The following MDN1 variants were observed in gnomAD, a reference collection of about 807,000 sequenced individuals.
MDN1 encodes midasin.
A neutral mutation model predicts 669.2 loss-of-function variants in MDN1; 266 were observed. The ratio of observed to expected loss-of-function variants is 0.40; its 90% CI spans 0.36 to 0.44. MDN1 has a LOEUF of 0.44. Among genes scored for constraint, MDN1 ranks in the 20% least tolerant of loss-of-function variants. The probability of loss-of-function intolerance (pLI) is 1.00; values close to 1 mark genes in which losing one functional copy is unlikely to be tolerated. For missense variants in MDN1, 5,940 were observed against 6,754.0 expected, an observed-to-expected ratio of 0.88 and a Z score of 4.22; for synonymous variants, 2,385 against 2,457.1, an observed-to-expected ratio of 0.97 and a Z score of 0.87.
rs1816048517 is a variant in MDN1, at chr6:89,737,434, CT to C, written c.4723+891del. ...AGAATATAAAAAATGATCCAAAAAA[CT>C]ATGTATTTAGTCTTGGAACCAGATC... On this transcript the variant is annotated intron_variant, in intron 33 of 101. Transcript: ENST00000369393. Among the ~76,000 whole-genome samples the C allele has an allele frequency of 3.3e-5, 5 of 152,024 alleles. No homozygotes were observed. In the South Asian group the frequency reaches 1.0e-3, roughly 32 times the overall value.
chr6:89,713,438 C>T, intron 46 of MDN1, 142 bp from the exon 47 acceptor site: 1 of 729,982 alleles, frequency 1.4e-6, no homozygotes, highest in South Asian at 2.0e-5. Flanking sequence ...CAAGTAGACT[C>T]TAGAGTCCTC....
rs754636588 is a variant in MDN1, at chr6:89,753,511, C to T, written c.3075+1G>A. On this transcript the variant is annotated splice_donor_variant, in intron 22 of 101. Coordinates refer to ENST00000369393, the MANE Select transcript of MDN1 (RefSeq NM_014611.3). LOFTEE classifies it high-confidence loss of function. ...AAGTCAAAAATAACAAAAGAACATACCTGCTTCAGCAGACTCTTGACATTG... is the reference window on the plus strand; with the variant it reads ...AAGTCAAAAATAACAAAAGAACATATCTGCTTCAGCAGACTCTTGACATTG... 1.9e-6 allele frequency: 3 copies of T among 1,602,494 alleles called. No individual in the cohort carries two copies. Among genetic ancestry groups the T allele is most frequent in the African/African-American group, 2.7e-5 (2 of 74,682 alleles).
In MDN1 at chr6:89,803,890, C is replaced by CTTTCTTTTTTTTTTT. The variant is rs377468650; in HGVS notation, c.103-337_103-336insAAAAAAAAAAAGAAA. Among the ~76,000 whole-genome samples the CTTTCTTTTTTTTTTT allele has an allele frequency of 6.3e-4, 59 of 93,174 alleles. 1 individual carries two copies. Among genetic ancestry groups the CTTTCTTTTTTTTTTT allele is most frequent in the Admixed American group, 1.1e-3 (7 of 6,620 alleles). 61.1% of individuals were successfully genotyped at this position (93,174 alleles called of 152,430 possible). A position where few individuals can be genotyped will look rare whatever the true frequency, so the allele number is the denominator to read the frequency against. On this transcript the variant is annotated intron_variant, in intron 1 of 101. Transcript: ENST00000369393. ...GCCACCGCGCCCGGCCTTTTCTTTT[C>CTTTCTTTTTTTTTTT]TTTTCTTTTTTTTTTTTTTTTTTTT...
Position 89,706,886 on chromosome 6 carries a change from C to G in MDN1, c.8014+475G>C, listed in dbSNP as rs189990798. 3.2e-4 allele frequency among the ~76,000 whole-genome samples: 49 copies of G among 151,754 alleles called. No homozygotes were observed. In the East Asian group the frequency reaches 8.9e-3, roughly 28 times the overall value. On this transcript the variant is annotated intron_variant, in intron 52 of 101. Transcript: ENST00000369393. ...TAGCTGATGTAAAGATGAACTTTTT[C>G]AATTTTTATACTTTAATAGTTTGAA...
Position 89,654,234 on chromosome 6 carries a change from C to A in MDN1, c.15591G>T (p.Glu5197Asp). ...GCTCCACGTCTGCTGCTTTGAACTC[C>A]TCCTGCTCCTCTGTGTCCATAAGGG... The part of the protein sequence containing the change: ...EDTLMDTEEQ[E>D]EFKAADVEQL... Residue 5197 changes from glutamate (E) to aspartate (D), a missense_variant, in exon 93 of 102, where the codon GAG becomes GAT. Transcript: ENST00000369393. 6.2e-7 allele frequency: 1 copy of A among 1,614,240 alleles called. No homozygotes were observed. Among genetic ancestry groups the A allele is most frequent in the Non-Finnish European group, 8.5e-7 (1 of 1,180,042 alleles).
chr6:89,666,736 A>G (rs913392493), intron 84 of MDN1, among the ~76,000 whole-genome samples: 2 of 152,204 alleles, frequency 1.3e-5, no homozygotes, highest in African/African-American at 4.8e-5. Flanking sequence ...CCTTGAGTCC[A>G]AGTCATGGCT....
At chr6:89,706,813 TTAATACC>T (rs1384786929) in intron 52 of MDN1, among the ~76,000 whole-genome samples, 36 of 152,136 alleles carry the variant, frequency 2.4e-4, no homozygotes, top group African/African-American at 8.2e-4. Context: ...AGATAGATAG[TTAATACC>T]AATAGATATG....
chr6:89,677,744 T>C, intron 75 of MDN1, 48 bp from the exon 76 acceptor site: 1 of 1,611,646 alleles, frequency 6.2e-7, no homozygotes, highest in South Asian at 1.1e-5. Context: ...TAGTAGAGAA[T>C]GGATGTGCCC....
chr6:89,772,619 G>A lies in MDN1; in HGVS notation c.2037C>T (p.Thr679=), dbSNP rs775026927. 1.8e-5 allele frequency: 29 copies of A among 1,613,896 alleles called. No individual in the cohort carries two copies. The highest frequency in any genetic ancestry group is 6.6e-5 in the South Asian group (6 of 91,078). The change falls in exon 14 of 102, where the codon ACC becomes ACT. Residue 679 remains threonine, a synonymous_variant. Transcript: ENST00000369393. ...KGEPVLLVGE[T]GTGKTSTIQY... ...GGATGGTAGAGGTTTTGCCAGTCCC[G>A]GTCTCTCCCACCAGCAACACAGGCT...
chr6:89,818,357 G>C (rs1229810214), intron 1 of MDN1, among the ~76,000 whole-genome samples: 2 of 149,332 alleles, frequency 1.3e-5, no homozygotes, highest in South Asian at 2.1e-4. Context: ...ATTTAGGCCG[G>C]ACACGGTGGC....
At chr6:89,799,554 A>G (rs1424215677) in intron 2 of MDN1, among the ~76,000 whole-genome samples, 2 of 152,168 alleles carry the variant, frequency 1.3e-5, no homozygotes, top group African/African-American at 2.4e-5. Context: ...GTGGTGGCAC[A>G]TGCCTGTGAT....
intron 96 of MDN1, 142 bp downstream of exon 96, chr6:89,650,590 G>C (rs774646298): frequency 3.9e-5 from 25 of 640,474 alleles, no homozygotes; most frequent in Non-Finnish European, 6.7e-5. Context: ...AACAGGGTAA[G>C]GAACAGCATA....
At chr6:89,723,367 G>T in intron 39 of MDN1, 145 bp downstream of exon 39, 1 of 666,474 alleles carries the variant, frequency 1.5e-6, no homozygotes, top group Non-Finnish European at 2.5e-6. Flanking sequence ...CCACTACATA[G>T]TGTCCCTTCC....
chr6:89,683,873 A>C lies in MDN1; in HGVS notation c.11861T>G (p.Val3954Gly), dbSNP rs1459439030. 2 of 1,613,466 alleles carry C rather than the reference A, an allele frequency of 1.2e-6. No homozygotes were observed. The highest frequency in any genetic ancestry group is 1.1e-5 in the South Asian group (1 of 91,010). Residue 3954 changes from valine to glycine, a missense_variant, in exon 72 of 102, where the codon GTC (valine) becomes GGC (glycine). Val to Gly is a moderately radical substitution (Grantham distance 109). This residue lies in a region of MDN1 where 2,280 missense variants were observed against 2,576.3 expected (regional missense o/e 0.88). Transcript: ENST00000369393. ...AGATTGCTTAATGGACCAGAAGCTGACATCATTCCACTTGGAAATCTTAAC... is the reference window on the plus strand; with the variant it reads ...AGATTGCTTAATGGACCAGAAGCTGCCATCATTCCACTTGGAAATCTTAAC... ...EFVKISKWND[V>G]SFWSIKQSVE...
intron 64 of MDN1, 126 bp downstream of exon 64, chr6:89,690,547 G>T: frequency 8.2e-7 from 1 of 1,219,038 alleles, no homozygotes; most frequent in Non-Finnish European, 1.1e-6. Flanking sequence ...GATAGAGCAA[G>T]ACCCAGTCTC....
intron 34 of MDN1, among the ~76,000 whole-genome samples, chr6:89,731,907 A>T (rs1021524289): frequency 3.6e-5 from 5 of 139,720 alleles, no homozygotes; most frequent in African/African-American, 5.3e-5. Flanking sequence ...TTCCTTATTT[A>T]AAAAAAAAAA....
chr6:89,746,613 AAGAAAGAAAGAAAG>A (rs1562173007), intron 27 of MDN1, among the ~76,000 whole-genome samples: 2 of 7,604 alleles, frequency 2.6e-4, no homozygotes, highest in African/African-American at 4.6e-4. Flanking sequence ...AAAAAAAAAA[AAGAAAGAAAGAAAG>A]AAAGAAAGAA....
intron 2 of MDN1, among the ~76,000 whole-genome samples, chr6:89,797,414 T>C (rs905430527): frequency 6.6e-6 from 1 of 150,996 alleles, no homozygotes; most frequent in Non-Finnish European, 1.5e-5. Flanking sequence ...AAAAATTGTG[T>C]ACAAATGCTC....
chr6:89,661,663 G>A, intron 87 of MDN1, 85 bp from the exon 88 acceptor site: 2 of 1,290,594 alleles, frequency 1.5e-6, no homozygotes, highest in Non-Finnish European at 1.1e-6. Context: ...TCAGCTCTAA[G>A]TATTTACACT....
Sources: allele counts gnomAD v4.1 joint callset (sites outside exome capture counted in the v4.1 genomes callset), GRCh38; gene constraint gnomAD v4.1.1; regional missense constraint gnomAD v4.1.1; transcripts MANE v1.5; gene names NCBI Gene and HGNC (gene_info 2026-07-23, HGNC 2026-07-21).